The following MAP3K13 variants were observed in gnomAD, a reference collection of about 807,000 sequenced individuals.
The protein encoded by MAP3K13 is leucine zipper-bearing kinase.
MAP3K13 carries 52 observed loss-of-function variants against 104.0 expected under a neutral mutation model. The observed-to-expected ratio is 0.50, with a 90% CI of 0.40 to 0.63. MAP3K13 has a LOEUF of 0.63. Ranked by LOEUF, MAP3K13 falls within the 20% of genes least tolerant of loss-of-function variation. The probability of loss-of-function intolerance (pLI) is 0.00; values close to 1 mark genes in which losing one functional copy is unlikely to be tolerated. For synonymous variants in MAP3K13, 394 were observed against 442.2 expected (o/e 0.89, Z 1.37); for missense variants, 914 against 1,218.5 (o/e 0.75, Z 3.72).
chr3:185,388,148 G>A lies in MAP3K13; in HGVS notation c.-86+24780G>A, dbSNP rs150032337. 2.8e-3 allele frequency among the ~76,000 whole-genome samples: 417 copies of A among 151,314 alleles called. 1 individual carries two copies. The highest frequency in any genetic ancestry group is 9.8e-3 in the African/African-American group (405 of 41,186). On this transcript the variant is annotated intron_variant, in intron 1 of 13. Transcript: ENST00000265026. The stretch of plus-strand genomic sequence containing the variant: ...CCAAAAAAAAAAAAATCCCAACTAG[G>A]AATAAATGTAACCAAGGAGGTAAAA...
intron 5 of MAP3K13, chr3:185,448,150 C>T (rs918234884): frequency 2.7e-6 from 2 of 731,518 alleles, no homozygotes; most frequent in African/African-American, 1.7e-5. Context: ...GGGTGGCTAT[C>T]TACTCAGTAA....
chr3:185,291,699 T>A (rs1290732629), intron 2 of MAP3K13: 1 of 1,526,614 alleles, frequency 6.6e-7, no homozygotes, highest in Non-Finnish European at 8.7e-7. Flanking sequence ...AAGACTTAGA[T>A]CTTCTTCAGA....
At chr3:185,345,448 C>T (rs1722885206) in intron 2 of MAP3K13, among the ~76,000 whole-genome samples, 1 of 152,192 alleles carries the variant, frequency 6.6e-6, no homozygotes, top group Admixed American at 6.5e-5. Flanking sequence ...AACTGGACTG[C>T]ACAGCAGATG....
intron 7 of MAP3K13, among the ~76,000 whole-genome samples, chr3:185,456,897 A>G (rs1213065507): frequency 6.6e-6 from 1 of 152,148 alleles, no homozygotes; most frequent in Non-Finnish European, 1.5e-5. Context: ...CACCGTGCAC[A>G]GCCAACTTTG....
chr3:185,295,945 T>C (rs1231824522), intron 2 of MAP3K13, among the ~76,000 whole-genome samples: 1 of 152,142 alleles, frequency 6.6e-6, no homozygotes, highest in Admixed American at 6.5e-5. Flanking sequence ...CTTCCTCTGT[T>C]CAAAACCCTC....
chr3:185,442,066 C>T (rs1049587071), intron 3 of MAP3K13, among the ~76,000 whole-genome samples: 6 of 147,894 alleles, frequency 4.1e-5, no homozygotes, highest in Admixed American at 1.3e-4. Context: ...ATTAGCCTGG[C>T]GTGGTGGTGC....
intron 1 of MAP3K13, among the ~76,000 whole-genome samples, chr3:185,414,455 G>A (rs1268190805): frequency 6.6e-6 from 1 of 152,170 alleles, no homozygotes; most frequent in Non-Finnish European, 1.5e-5. Context: ...AGACTTAGTT[G>A]TTTATCTTGA....
At chr3:185,466,369 C>CTTT (rs59523963) in intron 9 of MAP3K13, among the ~76,000 whole-genome samples, 267 of 85,260 alleles carry the variant, frequency 3.1e-3, no homozygotes, top group African/African-American at 4.2e-3. Context: ...TTAGTATTTC[C>CTTT]TTTTTTTTTT....
rs1720359094 is a variant in MAP3K13 at position 185,283,025 on chromosome 3, CAGGTAA to C, written c.-206_-205+4del. On this transcript the variant is annotated splice_donor_variant and splice_donor_region_variant and 5_prime_UTR_variant and intron_variant, in exon 1 of 15. Transcript: ENST00000424227. LOFTEE classifies it low-confidence loss of function (5UTR_SPLICE). ...TGCGCTGGGAGCCTAGGATCCCCGACAGGTAACCTGCGGGCGGATCTGAACGGGGGG... is the reference window on the plus strand; with the variant it reads ...TGCGCTGGGAGCCTAGGATCCCCGACCCTGCGGGCGGATCTGAACGGGGGG... 1 of 152,360 alleles carries C rather than the reference CAGGTAA, an allele frequency of 6.6e-6. No homozygotes were observed. The highest frequency in any genetic ancestry group is 2.4e-5 in the African/African-American group (1 of 41,420). 9.4% of individuals were successfully genotyped at this position (152,360 alleles called of 1,614,324 possible).
chr3:185,421,456 C>T (rs1324367145), intron 1 of MAP3K13, among the ~76,000 whole-genome samples: 1 of 152,148 alleles, frequency 6.6e-6, no homozygotes. Flanking sequence ...CCTCAGCCTC[C>T]CAAAGTGCTG....
chr3:185,396,302 G>A (rs1367088661), intron 1 of MAP3K13, among the ~76,000 whole-genome samples: 1 of 152,106 alleles, frequency 6.6e-6, no homozygotes, highest in African/African-American at 2.4e-5. Context: ...CCCGGGAGGC[G>A]GGGGTTGCAG....
intron 2 of MAP3K13, chr3:185,291,468 T>C: frequency 1.2e-6 from 1 of 819,678 alleles, no homozygotes; most frequent in Non-Finnish European, 1.8e-6. Flanking sequence ...TTTCCTTTTC[T>C]TTGTTTTTGA....
chr3:185,481,916 C>G (rs538479599), intron 13 of MAP3K13, among the ~76,000 whole-genome samples: 1 of 152,322 alleles, frequency 6.6e-6, no homozygotes, highest in South Asian at 2.1e-4. Context: ...AACCCTGTCT[C>G]TACTAAAAAT....
intron 2 of MAP3K13, among the ~76,000 whole-genome samples, chr3:185,433,530 ATT>A (rs1441875687): frequency 6.6e-6 from 1 of 152,168 alleles, no homozygotes; most frequent in Admixed American, 6.5e-5. Context: ...TCTGCTCATT[ATT>A]GATAGGGACT....
At chr3:185,430,728 A>C (rs1261827339) in intron 2 of MAP3K13, among the ~76,000 whole-genome samples, 1 of 152,176 alleles carries the variant, frequency 6.6e-6, no homozygotes, top group African/African-American at 2.4e-5. Flanking sequence ...AGCTCCAAAA[A>C]AATTTTAAAA....
At chr3:185,391,778 A>G (rs1393568125) in intron 1 of MAP3K13, among the ~76,000 whole-genome samples, 3 of 152,222 alleles carry the variant, frequency 2.0e-5, no homozygotes, top group Non-Finnish European at 4.4e-5. Context: ...AAGTAAAACA[A>G]AACTCTGTTT....
At chr3:185,285,494 A>G (rs1252022245) in intron 1 of MAP3K13, 5 of 771,548 alleles carry the variant, frequency 6.5e-6, no homozygotes, top group African/African-American at 1.7e-5. Flanking sequence ...AGGTCTGTAC[A>G]TTGACATTCT....
intron 1 of MAP3K13, among the ~76,000 whole-genome samples, chr3:185,390,895 A>G (rs113484904): frequency 0.014 from 2,099 of 152,236 alleles, 47 homozygotes; most frequent in African/African-American, 0.048. Context: ...TGCTGGGATT[A>G]CAGGCGTGAG....
intron 2 of MAP3K13, among the ~76,000 whole-genome samples, chr3:185,344,873 T>C (rs550186917): frequency 1.3e-4 from 20 of 149,912 alleles, no homozygotes; most frequent in African/African-American, 5.0e-4. Context: ...TCATTTCTAC[T>C]AATCTCATAA....
Sources: allele counts gnomAD v4.1 joint callset (sites outside exome capture counted in the v4.1 genomes callset), GRCh38; gene constraint gnomAD v4.1.1; transcripts MANE v1.5; gene names NCBI Gene and HGNC (gene_info 2026-07-23, HGNC 2026-07-21).